Variants in DISC1 observed in about 807,000 individuals in gnomAD.
DISC1 encodes disrupted in schizophrenia 1 protein.
DISC1 carries 57 observed loss-of-function variants against 84.5 expected under a neutral mutation model. That is an observed-to-expected ratio of 0.67 (90% CI 0.55 to 0.84). The LOEUF is 0.84. Ranked by LOEUF, DISC1 falls within the 40% of genes least tolerant of loss-of-function variation. DISC1 has a pLI of 0.00. For synonymous variants in DISC1, 411 were observed against 415.2 expected (o/e 0.99, Z 0.12); for missense variants, 1,000 against 1,057.8 (o/e 0.95, Z 0.76).
chr1:231,644,572 A>C (rs899224889), intron 1 of DISC1, among the ~76,000 whole-genome samples: 7 of 152,188 alleles, frequency 4.6e-5, no homozygotes, highest in Non-Finnish European at 1.0e-4. Context: ...CCCTGCAGGT[A>C]ACCCCCTTAT....
intron 9 of DISC1, among the ~76,000 whole-genome samples, chr1:231,849,575 T>A (rs2083731155): frequency 6.6e-6 from 1 of 152,132 alleles, no homozygotes; most frequent in Non-Finnish European, 1.5e-5. Flanking sequence ...TTTTCATGTG[T>A]ATATGTGTGT....
Position 231,693,827 on chromosome 1 carries a change from C to CATTGCTTGGGTAATGGTA in DISC1, c.70_71insTTGCTTGGGTAATGGTAA (p.Gly23_Ser24insIleAlaTrpValMetVal). On this transcript the variant is annotated inframe_insertion and splice_region_variant, in exon 2 of 13. Coordinates refer to ENST00000439617, the MANE Select transcript of DISC1 (RefSeq NM_018662.3). ...TGCTGTTTTTTCTTTTCTTCCCAGG[C>CATTGCTTGGGTAATGGTA]AGCCGGGATTGCTTACCACCTGCAG... is the stretch of plus-strand genomic sequence containing the variant. The CATTGCTTGGGTAATGGTA allele has an allele frequency of 6.2e-7, 1 of 1,613,304 alleles. No individual in the cohort carries two copies. The highest frequency in any genetic ancestry group is 8.5e-7 in the Non-Finnish European group (1 of 1,180,032).
intron 2 of DISC1, among the ~76,000 whole-genome samples, chr1:231,697,650 A>G (rs1272858606): frequency 7.6e-6 from 1 of 132,000 alleles, no homozygotes; most frequent in African/African-American, 2.9e-5. Flanking sequence ...GGGTCTTGCC[A>G]CGTTGCCCAA....
In DISC1 at chr1:231,741,912, A is replaced by G. The variant is rs538845386; in HGVS notation, c.1118-8014A>G. Among the ~76,000 whole-genome samples the G allele has an allele frequency of 3.3e-5, 5 of 152,318 alleles. No homozygotes were observed. The South Asian group carries it at 6.2e-4, about 19-fold the overall frequency. On this transcript the variant is annotated intron_variant, in intron 3 of 12. Transcript: ENST00000439617. ...GCTACCCTTAGGTCTTGCCTGGGGA[A>G]CATCAATGACCCTGTGACTGGTCTC...
chr1:231,977,208 C>G (rs533542663), intron 10 of DISC1, among the ~76,000 whole-genome samples: 1 of 152,324 alleles, frequency 6.6e-6, no homozygotes, highest in African/African-American at 2.4e-5. Context: ...GCTTTCCTAC[C>G]TTATTAGTTT....
intron 3 of DISC1, among the ~76,000 whole-genome samples, chr1:231,736,942 T>C (rs938219463): frequency 7.2e-5 from 11 of 152,242 alleles, no homozygotes; most frequent in African/African-American, 2.7e-4. Context: ...TGTGTGAAGA[T>C]TTCTTGCTGC....
At chr1:231,819,236 C>A in intron 9 of DISC1, 1 of 749,284 alleles carries the variant, frequency 1.3e-6, no homozygotes, top group Non-Finnish European at 1.6e-6. Flanking sequence ...GAATAAATGG[C>A]TATATTTTAC....
chr1:231,827,615 C>T (rs2081952401), intron 9 of DISC1, among the ~76,000 whole-genome samples: 1 of 152,154 alleles, frequency 6.6e-6, no homozygotes, highest in Non-Finnish European at 1.5e-5. Flanking sequence ...TTTGATTTTT[C>T]AGATTCTCTG....
chr1:231,759,221 C>T (rs1274478181), intron 4 of DISC1, among the ~76,000 whole-genome samples: 1 of 152,044 alleles, frequency 6.6e-6, no homozygotes, highest in Non-Finnish European at 1.5e-5. Context: ...TCTTTATTTC[C>T]CTTTGGTTGT....
chr1:231,785,064 T>G (rs2125554667), intron 6 of DISC1, among the ~76,000 whole-genome samples: 2 of 152,024 alleles, frequency 1.3e-5, no homozygotes, highest in Middle Eastern at 6.8e-3. Flanking sequence ...TTATCAGCTG[T>G]GAGGATAGAA....
chr1:231,659,003 T>C (rs572637385), intron 1 of DISC1, among the ~76,000 whole-genome samples: 17 of 152,274 alleles, frequency 1.1e-4, no homozygotes, highest in African/African-American at 3.6e-4. Flanking sequence ...ATAGAATAAA[T>C]TGGGGATGAG....
chr1:232,024,073 A>ATT (rs71843992), intron 11 of DISC1, among the ~76,000 whole-genome samples: 2 of 151,132 alleles, frequency 1.3e-5, no homozygotes, highest in African/African-American at 4.9e-5. Flanking sequence ...GTATATATAT[A>ATT]TATATTTATC....
intron 11 of DISC1, among the ~76,000 whole-genome samples, chr1:232,020,865 T>A (rs979486645): frequency 1.2e-4 from 19 of 152,284 alleles, no homozygotes; most frequent in African/African-American, 4.1e-4. Flanking sequence ...TAAAAACCCT[T>A]TTCCTCCTAC....
chr1:231,983,720 T>C (rs930678825), intron 10 of DISC1, among the ~76,000 whole-genome samples: 1 of 151,862 alleles, frequency 6.6e-6, no homozygotes, highest in Non-Finnish European at 1.5e-5. Context: ...CAAAACTTAA[T>C]ACTGTGTCAG....
At chr1:231,820,388 A>G (rs2081399806) in intron 9 of DISC1, among the ~76,000 whole-genome samples, 1 of 152,242 alleles carries the variant, frequency 6.6e-6, no homozygotes, top group African/African-American at 2.4e-5. Flanking sequence ...AAATGTAGAG[A>G]AAGTACAAAG....
At position 231,955,551 on chromosome 1, in the gene DISC1, A is replaced by G. The variant is rs373402363; in HGVS notation, c.1982-3277A>G. On this transcript the variant is annotated intron_variant, in intron 9 of 12. Coordinates refer to ENST00000439617, the MANE Select transcript of DISC1 (RefSeq NM_018662.3). Reference sequence around the variant, plus strand: ...GTTGCCCAGGCTGGAGTGCAGTGGCACGATCTCGGCTCACTGCAACCTCCG... The same window carrying G: ...GTTGCCCAGGCTGGAGTGCAGTGGCGCGATCTCGGCTCACTGCAACCTCCG... Among the ~76,000 whole-genome samples, 16 of 148,320 alleles carry G rather than the reference A, an allele frequency of 1.1e-4. No homozygotes were observed. In the East Asian group the frequency reaches 1.8e-3, roughly 17 times the overall value.
intron 9 of DISC1, among the ~76,000 whole-genome samples, chr1:231,955,171 A>T (rs937409820): frequency 5.9e-5 from 9 of 152,176 alleles, no homozygotes; most frequent in Admixed American, 3.3e-4. Flanking sequence ...CACAATATAA[A>T]TGGCGCGTTG....
intron 10 of DISC1, among the ~76,000 whole-genome samples, chr1:231,964,769 GAC>G (rs1660871457): frequency 6.6e-6 from 1 of 152,330 alleles, no homozygotes; most frequent in Non-Finnish European, 1.5e-5. Flanking sequence ...TTTAACACCT[GAC>G]ACAGTGGTGC....
chr1:231,886,800 T>TTTCTTTCTTTCC (rs2086771234), intron 9 of DISC1, among the ~76,000 whole-genome samples: 1 of 140,948 alleles, frequency 7.1e-6, no homozygotes, highest in African/African-American at 2.8e-5. Flanking sequence ...TCTTTCTTTC[T>TTTCTTTCTTTCC]TTCTTTCTTT....
Sources: gnomAD v4.1 joint callset for allele counts (sites outside exome capture counted in the v4.1 genomes callset) on GRCh38, gnomAD v4.1.1 for gene constraint, MANE v1.5 for transcripts, NCBI Gene and HGNC (gene_info 2026-07-23, HGNC 2026-07-21) for gene names.